R3HDM1: variants seen among roughly 807,000 people sequenced by gnomAD.
R3HDM1 encodes R3H domain-containing protein 1.
R3HDM1 carries 46 observed loss-of-function variants against 141.1 expected under a neutral mutation model. That is an observed-to-expected ratio of 0.33 (90% CI 0.26 to 0.42). R3HDM1 has a LOEUF of 0.42. Among genes scored for constraint, R3HDM1 ranks in the 10% least tolerant of loss-of-function variants. The pLI is 1.00. For missense variants in R3HDM1, 1,184 were observed against 1,368.3 expected (o/e 0.87, Z 2.12); for synonymous variants, 435 against 472.9 (o/e 0.92, Z 1.04).
intron 1 of R3HDM1, among the ~76,000 whole-genome samples, chr2:135,532,683 T>TGA (rs1421374739): frequency 6.6e-6 from 1 of 152,198 alleles, no homozygotes; most frequent in African/African-American, 2.4e-5. Context: ...AAAGTCAAAC[T>TGA]GAAAGTCTAC....
At chr2:135,636,040 T>C (rs1574561094) in intron 10 of R3HDM1, 42 bp downstream of exon 10, 1 of 1,610,980 alleles carries the variant, frequency 6.2e-7, no homozygotes, top group Non-Finnish European at 8.5e-7. Flanking sequence ...GTGCAAGACA[T>C]ACTATACCAG....
chr2:135,546,510 C>G (rs1698722032), intron 1 of R3HDM1, among the ~76,000 whole-genome samples: 1 of 152,130 alleles, frequency 6.6e-6, no homozygotes, highest in Admixed American at 6.5e-5. Context: ...GTAATTATCT[C>G]CCCTTTATAT....
At chr2:135,573,393 A>C (rs1417736280) in intron 1 of R3HDM1, among the ~76,000 whole-genome samples, 1 of 152,210 alleles carries the variant, frequency 6.6e-6, no homozygotes, top group Non-Finnish European at 1.5e-5. Flanking sequence ...TGATCTCTTC[A>C]TACTCCCATT....
chr2:135,554,425 G>T (rs966455746), intron 1 of R3HDM1, among the ~76,000 whole-genome samples: 3 of 152,166 alleles, frequency 2.0e-5, no homozygotes, highest in Non-Finnish European at 4.4e-5. Flanking sequence ...TGGATATTTG[G>T]GTTGTTTCTG....
intron 19 of R3HDM1, chr2:135,670,161 AAC>A: frequency 6.3e-6 from 2 of 315,694 alleles, no homozygotes; most frequent in Non-Finnish European, 9.0e-6. Context: ...AAAAAAAACC[AAC>A]AAAAAAGATT....
intron 18 of R3HDM1, among the ~76,000 whole-genome samples, chr2:135,658,988 T>C (rs2066281185): frequency 1.3e-5 from 2 of 152,040 alleles, no homozygotes; most frequent in Non-Finnish European, 2.9e-5. Context: ...TATGTGGAGC[T>C]GTCATCTCCT....
At chr2:135,555,855 A>T (rs1700653637) in intron 1 of R3HDM1, among the ~76,000 whole-genome samples, 1 of 152,100 alleles carries the variant, frequency 6.6e-6, no homozygotes, top group Admixed American at 6.6e-5. Flanking sequence ...ATTTCTACAG[A>T]AATTAAAAAA....
chr2:135,627,811 G>A (rs2062202463), intron 7 of R3HDM1, among the ~76,000 whole-genome samples: 1 of 152,064 alleles, frequency 6.6e-6, no homozygotes, highest in Admixed American at 6.5e-5. Context: ...TTAACCAAGA[G>A]CATATGAAAC....
rs561769104 is a variant in R3HDM1, at chr2:135,680,642, C to T, written c.2459+318C>T. ...GAAGTTAGCTGGGCAAGGTGGCGTACGCCTGTGATCGCAACTGCTCGGGAG... is the reference window on the plus strand; with the variant it reads ...GAAGTTAGCTGGGCAAGGTGGCGTATGCCTGTGATCGCAACTGCTCGGGAG... On this transcript the variant is annotated intron_variant, in intron 21 of 26. Coordinates refer to ENST00000683871, the MANE Select transcript of R3HDM1 (RefSeq NM_001378107.1). Among the ~76,000 whole-genome samples the T allele has an allele frequency of 1.1e-4, 17 of 152,248 alleles. No homozygotes were observed. The South Asian group carries it at 1.7e-3, about 15-fold the overall frequency.
chr2:135,578,568 A>C (rs188322504), intron 1 of R3HDM1, among the ~76,000 whole-genome samples: 1 of 152,346 alleles, frequency 6.6e-6, no homozygotes, highest in East Asian at 1.9e-4. Flanking sequence ...CCCAAAATGT[A>C]ATGCAAGCAC....
At chr2:135,616,265 A>C in intron 4 of R3HDM1, 72 bp downstream of exon 4, 1 of 1,387,208 alleles carries the variant, frequency 7.2e-7, no homozygotes, top group Non-Finnish European at 1.0e-6. Flanking sequence ...TTGTTTTCAT[A>C]TAGCACTACA....
intron 21 of R3HDM1, among the ~76,000 whole-genome samples, chr2:135,681,918 C>A (rs2105357251): frequency 6.6e-6 from 1 of 151,958 alleles, no homozygotes; most frequent in African/African-American, 2.4e-5. Context: ...ATTAGCTAAT[C>A]CCAGCCCCTT....
At chr2:135,547,772 T>C (rs1285382126) in intron 1 of R3HDM1, among the ~76,000 whole-genome samples, 8 of 144,636 alleles carry the variant, frequency 5.5e-5, no homozygotes, top group East Asian at 3.9e-4. Context: ...CTTTTCTTTT[T>C]TTTTTTTTTT....
In R3HDM1 at chr2:135,643,613, T is replaced by A. The variant is rs1254709690; in HGVS notation, c.1475-1766T>A. On this transcript the variant is annotated intron_variant, in intron 15 of 26. Coordinates refer to ENST00000683871, the MANE Select transcript of R3HDM1 (RefSeq NM_001378107.1). ...TTTAGTAAAGAAAAATACTAATCTTTTAATCTACTTATTGAAAAAATGTCT... is the reference window on the plus strand; with the variant it reads ...TTTAGTAAAGAAAAATACTAATCTTATAATCTACTTATTGAAAAAATGTCT... Among the ~76,000 whole-genome samples, 7 of 152,316 alleles carry A rather than the reference T, an allele frequency of 4.6e-5. No individual in the cohort carries two copies. The East Asian group carries it at 1.3e-3, about 29-fold the overall frequency.
chr2:135,622,767 T>C, intron 7 of R3HDM1, 35 bp downstream of exon 7: 8 of 1,513,080 alleles, frequency 5.3e-6, no homozygotes, highest in Non-Finnish European at 7.1e-6. Flanking sequence ...CCATTGCTTC[T>C]AGAGTACCAT....
At chr2:135,567,764 A>G (rs1159692606) in intron 1 of R3HDM1, among the ~76,000 whole-genome samples, 2 of 151,862 alleles carry the variant, frequency 1.3e-5, no homozygotes, top group Non-Finnish European at 2.9e-5. Context: ...TTTAGAGATA[A>G]CGTCTCACTC....
chr2:135,648,090 G>T (rs1438670679), intron 16 of R3HDM1, among the ~76,000 whole-genome samples: 1 of 152,078 alleles, frequency 6.6e-6, no homozygotes, highest in African/African-American at 2.4e-5. Flanking sequence ...ACATCAAGTA[G>T]CTTGTTCTTG....
At chr2:135,598,744 G>T (rs1233063165) in intron 1 of R3HDM1, among the ~76,000 whole-genome samples, 1 of 152,130 alleles carries the variant, frequency 6.6e-6, no homozygotes, top group Admixed American at 6.5e-5. Context: ...CACAGGGCCA[G>T]GCACATGGTA....
At chr2:135,551,623 T>G (rs1168174961) in intron 1 of R3HDM1, among the ~76,000 whole-genome samples, 1 of 152,224 alleles carries the variant, frequency 6.6e-6, no homozygotes, top group Non-Finnish European at 1.5e-5. Context: ...CTGATAGTTA[T>G]TTCAAACTCA....
Sources: allele counts gnomAD v4.1 joint callset (sites outside exome capture counted in the v4.1 genomes callset), GRCh38; gene constraint gnomAD v4.1.1; transcripts MANE v1.5; gene names NCBI Gene and HGNC (gene_info 2026-07-23, HGNC 2026-07-21).